Variants in APBB2 observed in about 807,000 individuals in gnomAD.
The protein encoded by APBB2 is Fe65-like 1.
In APBB2, 38 loss-of-function variants were observed where a neutral mutation model predicts 82.5. The ratio of observed to expected loss-of-function variants is 0.46; its 90% confidence interval spans 0.36 to 0.60. The LOEUF is 0.60. APBB2 is among the 20% of genes least tolerant of loss of function. APBB2 has a pLI of 0.00. For synonymous variants in APBB2, 341 were observed against 368.2 expected (o/e 0.93, Z 0.85); for missense variants, 772 against 972.3 (o/e 0.79, Z 2.74).
intron 3 of APBB2, among the ~76,000 whole-genome samples, chr4:41,076,012 A>G: frequency 6.6e-6 from 1 of 152,190 alleles, no homozygotes; most frequent in Non-Finnish European, 1.5e-5. Flanking sequence ...GCTTATCTCC[A>G]TTCCCTCCCA....
chr4:41,162,093 T>G (rs757148096), intron 1 of APBB2, among the ~76,000 whole-genome samples: 54 of 152,166 alleles, frequency 3.5e-4, no homozygotes, highest in Non-Finnish European at 5.4e-4. Flanking sequence ...GATAAAATTT[T>G]TAAGAGACAC....
intron 6 of APBB2, among the ~76,000 whole-genome samples, chr4:40,954,882 C>T (rs1578721448): frequency 6.6e-6 from 1 of 152,134 alleles, no homozygotes; most frequent in Non-Finnish European, 1.5e-5. Context: ...CCAGGCTGGC[C>T]TTGGGTGATC....
At chr4:41,106,862 TG>T (rs1747450109) in intron 2 of APBB2, among the ~76,000 whole-genome samples, 2 of 152,138 alleles carry the variant, frequency 1.3e-5, no homozygotes, top group South Asian at 4.1e-4. Context: ...TAGTTGGGTC[TG>T]GGCAGAGAAA....
chr4:40,891,047 C>A (rs936724086), intron 11 of APBB2: 1 of 152,466 alleles, frequency 6.6e-6, no homozygotes, highest in African/African-American at 2.4e-5. Context: ...CATTAGGCTA[C>A]GTGCTTAAGG....
intron 4 of APBB2, among the ~76,000 whole-genome samples, chr4:41,038,501 T>C (rs2174872): frequency 0.034 from 5,115 of 151,974 alleles, 150 homozygotes; most frequent in African/African-American, 0.083. Flanking sequence ...TCCCCATACA[T>C]TGTCCCGGAT....
chr4:40,883,850 A>G (rs1195474528), intron 12 of APBB2, among the ~76,000 whole-genome samples: 13 of 152,162 alleles, frequency 8.5e-5, no homozygotes, highest in Non-Finnish European at 1.5e-5. Context: ...GAGTTCCCAT[A>G]TCTGGGTCCC....
chr4:40,934,980 C>A (rs1785058915), intron 8 of APBB2, 97 bp downstream of exon 8: 22 of 1,044,922 alleles, frequency 2.1e-5, no homozygotes, highest in Non-Finnish European at 3.1e-5. Flanking sequence ...TGTGTCCCTG[C>A]AGAATGCATG....
chr4:40,842,328 A>G (rs1756096143), intron 12 of APBB2: 2 of 454,754 alleles, frequency 4.4e-6, no homozygotes, highest in Admixed American at 2.4e-5. Context: ...CAGACACGTT[A>G]AGACACCACG....
intron 6 of APBB2, among the ~76,000 whole-genome samples, chr4:40,947,546 A>G (rs4861337): frequency 0.39 from 59,634 of 152,158 alleles, 12,487 homozygotes; most frequent in Non-Finnish European, 0.48. Context: ...GGCACGAATC[A>G]GACTGTTTAT....
intron 1 of APBB2, among the ~76,000 whole-genome samples, chr4:41,205,386 T>G (rs1777680332): frequency 6.6e-6 from 1 of 152,122 alleles, no homozygotes; most frequent in Non-Finnish European, 1.5e-5. Context: ...CCTGACCCGC[T>G]TCCCATTTTC....
chr4:40,908,972 T>A (rs1325540244), intron 10 of APBB2, among the ~76,000 whole-genome samples: 1 of 152,136 alleles, frequency 6.6e-6, no homozygotes, highest in Non-Finnish European at 1.5e-5. Flanking sequence ...TGCGTCCTCC[T>A]CCCTCCAGGC....
chr4:40,973,325 A>T (rs1262182529), intron 6 of APBB2, among the ~76,000 whole-genome samples: 1 of 152,190 alleles, frequency 6.6e-6, no homozygotes, highest in Non-Finnish European at 1.5e-5. Flanking sequence ...CCATCTTCTC[A>T]AATTCACAGG....
intron 12 of APBB2, among the ~76,000 whole-genome samples, chr4:40,870,041 C>A (rs1374752096): frequency 6.6e-6 from 1 of 151,938 alleles, no homozygotes; most frequent in East Asian, 1.9e-4. Context: ...AACTTAGGTA[C>A]CAAATCACGT....
chr4:40,881,531 T>TTC (rs1264320904), intron 12 of APBB2: 30 of 222,344 alleles, frequency 1.3e-4, no homozygotes, highest in South Asian at 2.2e-4. Context: ...TTCTTTTCTT[T>TTC]TTCTTTTTTT....
intron 1 of APBB2, among the ~76,000 whole-genome samples, chr4:41,207,009 C>A (rs1382975154): frequency 6.6e-6 from 1 of 151,854 alleles, no homozygotes; most frequent in Non-Finnish European, 1.5e-5. Flanking sequence ...ACCTGCTTGG[C>A]CAAAGTGGTG....
intron 10 of APBB2, among the ~76,000 whole-genome samples, chr4:40,914,843 CTTAA>C (rs910958297): frequency 6.6e-6 from 1 of 152,084 alleles, no homozygotes; most frequent in Non-Finnish European, 1.5e-5. Context: ...GGGGGTGGTG[CTTAA>C]TTACTCTTAA....
intron 4 of APBB2, among the ~76,000 whole-genome samples, chr4:41,050,964 G>A (rs1579576147): frequency 6.9e-6 from 1 of 144,778 alleles, no homozygotes; most frequent in African/African-American, 2.9e-5. Flanking sequence ...AGTTGAGCCC[G>A]GAGGCCACCA....
At chr4:40,989,692 C>T (rs770329205) in intron 6 of APBB2, among the ~76,000 whole-genome samples, 75 of 152,184 alleles carry the variant, frequency 4.9e-4, no homozygotes, top group Non-Finnish European at 8.5e-4. Flanking sequence ...ACTGATACAG[C>T]CCCCTACTGA....
intron 5 of APBB2, among the ~76,000 whole-genome samples, chr4:41,028,712 TAC>T (rs1292173676): frequency 7.9e-5 from 12 of 151,620 alleles, no homozygotes; most frequent in Non-Finnish European, 2.9e-5. Context: ...CCCTCGTTAA[TAC>T]ACAAAGTATT....
Sources: gnomAD v4.1 joint callset for allele counts (sites outside exome capture counted in the v4.1 genomes callset) on GRCh38, gnomAD v4.1.1 for gene constraint, MANE v1.5 for transcripts, NCBI Gene and HGNC (gene_info 2026-07-23, HGNC 2026-07-21) for gene names.